Variants in LYPD6 observed in about 807,000 individuals in gnomAD.
LYPD6 encodes the protein ly6/PLAUR domain-containing protein 6.
Under a neutral mutation model 22.7 loss-of-function variants are expected in LYPD6, and 15 were observed. The observed-to-expected ratio is 0.66, with a 90% CI of 0.44 to 1.02. The LOEUF is 1.02. Ranked by LOEUF, LYPD6 falls within the 50% of genes least tolerant of loss-of-function variation. The pLI is 0.00. For synonymous variants in LYPD6, 72 were observed against 77.5 expected (o/e 0.93, Z 0.37); for missense variants, 189 against 208.4 (o/e 0.91, Z 0.57).
At position 149,466,289 on chromosome 2, in the gene LYPD6, A is replaced by T. The variant is rs531015797; in HGVS notation, c.218-2356A>T. On this transcript the variant is annotated intron_variant, in intron 3 of 4. Transcript: ENST00000334166. ...TTTTCAAAACTTCTTAAACCACAGA[A>T]CCTTTTTCCACATTAACATTTCATA... is the stretch of plus-strand genomic sequence containing the variant. 2.6e-5 allele frequency among the ~76,000 whole-genome samples: 4 copies of T among 152,270 alleles called. No homozygotes were observed. In the East Asian group the frequency reaches 7.7e-4, roughly 29 times the overall value.
intron 1 of LYPD6, among the ~76,000 whole-genome samples, chr2:149,348,112 A>G (rs1263253566): frequency 6.7e-6 from 1 of 150,156 alleles, no homozygotes; most frequent in East Asian, 2.0e-4. Flanking sequence ...AACTGTTCTC[A>G]TGGAACTTGG....
downstream of LYPD6, among the ~76,000 whole-genome samples, chr2:149,477,574 G>T (rs1558822635): frequency 7.8e-6 from 1 of 127,572 alleles, no homozygotes; most frequent in Non-Finnish European, 1.6e-5. Flanking sequence ...AGTGAGCCGA[G>T]ATTGTGCCAC....
At chr2:149,366,642 G>A (rs1263642282) in intron 1 of LYPD6, among the ~76,000 whole-genome samples, 2 of 152,202 alleles carry the variant, frequency 1.3e-5, no homozygotes, top group Non-Finnish European at 2.9e-5. Context: ...TCATTTCTGT[G>A]TGTAGAATTT....
chr2:149,374,337 G>T (rs976716106), intron 1 of LYPD6, among the ~76,000 whole-genome samples: 1 of 152,146 alleles, frequency 6.6e-6, no homozygotes, highest in African/African-American at 2.4e-5. Context: ...GCATCTTATG[G>T]CTTTGTATTT....
At chr2:149,406,717 A>G (rs1287256418) in intron 1 of LYPD6, among the ~76,000 whole-genome samples, 4 of 151,898 alleles carry the variant, frequency 2.6e-5, no homozygotes, top group East Asian at 1.9e-4. Context: ...TAATTGGAGC[A>G]TTTAGTCCAT....
At chr2:149,406,408 T>C (rs1161200766) in intron 1 of LYPD6, among the ~76,000 whole-genome samples, 151 of 151,734 alleles carry the variant, frequency 1.0e-3, no homozygotes, top group Non-Finnish European at 1.9e-3. Context: ...TTTATGAATC[T>C]GGGTGCTCCT....
chr2:149,401,004 G>A (rs1291726195), intron 1 of LYPD6, among the ~76,000 whole-genome samples: 1 of 152,150 alleles, frequency 6.6e-6, no homozygotes, highest in African/African-American at 2.4e-5. Context: ...ATGCCTTTGG[G>A]CTTCTTATCT....
Position 149,404,340 on chromosome 2 carries a change from C to T in LYPD6, c.-71-33298C>T, listed in dbSNP as rs570370630. Among the ~76,000 whole-genome samples the T allele has an allele frequency of 3.9e-4, 60 of 152,260 alleles. 1 individual carries two copies. The highest frequency in any genetic ancestry group is 6.8e-4 in the Non-Finnish European group (46 of 68,016). Reference sequence around the variant, plus strand: ...ACCTTGGGCAGTATGGCCATTTTCACGATATTGATTCTTCCTACCCATGAG... The same window carrying T: ...ACCTTGGGCAGTATGGCCATTTTCATGATATTGATTCTTCCTACCCATGAG... On this transcript the variant is annotated intron_variant, in intron 1 of 4. Coordinates refer to ENST00000334166, the MANE Select transcript of LYPD6 (RefSeq NM_194317.5).
At chr2:149,429,784 A>G (rs1281467590) in intron 1 of LYPD6, among the ~76,000 whole-genome samples, 1 of 152,150 alleles carries the variant, frequency 6.6e-6, no homozygotes, top group African/African-American at 2.4e-5. Flanking sequence ...CTGGGATTGG[A>G]GCCCCTGGGG....
intron 1 of LYPD6, among the ~76,000 whole-genome samples, chr2:149,331,423 G>A (rs1000435014): frequency 6.6e-6 from 1 of 152,138 alleles, no homozygotes; most frequent in Non-Finnish European, 1.5e-5. Flanking sequence ...GGTCTGACTC[G>A]CTCTGACCCC....
chr2:149,336,928 C>CGTGTGTGT (rs1553513649), intron 1 of LYPD6, among the ~76,000 whole-genome samples: 9 of 148,450 alleles, frequency 6.1e-5, no homozygotes, highest in Non-Finnish European at 1.0e-4. Context: ...GTTGAAATAA[C>CGTGTGTGT]GTGTGTGTGT....
chr2:149,356,440 A>G (rs1681450741), intron 1 of LYPD6, among the ~76,000 whole-genome samples: 1 of 152,206 alleles, frequency 6.6e-6, no homozygotes, highest in Admixed American at 6.5e-5. Flanking sequence ...TTCCTTCCCT[A>G]CATGGACACA....
chr2:149,391,495 C>T lies in LYPD6; in HGVS notation c.-71-46143C>T, dbSNP rs956691587. On this transcript the variant is annotated intron_variant, in intron 1 of 4. Coordinates refer to ENST00000334166, the MANE Select transcript of LYPD6 (RefSeq NM_194317.5). Reference sequence around the variant, plus strand: ...CTTTAAACTTATTTTGTTACTGGAGCTGTGTGATCTTTTCTTTGAGGTCAA... The same window carrying T: ...CTTTAAACTTATTTTGTTACTGGAGTTGTGTGATCTTTTCTTTGAGGTCAA... Among the ~76,000 whole-genome samples, 41 of 151,818 alleles carry T rather than the reference C, an allele frequency of 2.7e-4. 1 individual carries two copies. The highest frequency in any genetic ancestry group is 2.7e-3 in the Admixed American group (41 of 15,240).
At chr2:149,391,657 T>C (rs1436705209) in intron 1 of LYPD6, among the ~76,000 whole-genome samples, 1 of 152,164 alleles carries the variant, frequency 6.6e-6, no homozygotes, top group African/African-American at 2.4e-5. Flanking sequence ...TTCACAGTGG[T>C]ACACTTAGGG....
chr2:149,414,441 A>T (rs1682918531), intron 1 of LYPD6, among the ~76,000 whole-genome samples: 1 of 152,182 alleles, frequency 6.6e-6, no homozygotes, highest in African/African-American at 2.4e-5. Context: ...AATTTGCGTT[A>T]TATTTTTGTT....
At chr2:149,418,375 TGTA>T (rs1184111026) in intron 1 of LYPD6, among the ~76,000 whole-genome samples, 1 of 152,132 alleles carries the variant, frequency 6.6e-6, no homozygotes, top group African/African-American at 2.4e-5. Context: ...GACCATATAA[TGTA>T]GTAGCAAGGA....
chr2:149,443,237 T>C (rs1683608577), intron 2 of LYPD6, among the ~76,000 whole-genome samples: 1 of 152,232 alleles, frequency 6.6e-6, no homozygotes, highest in Non-Finnish European at 1.5e-5. Flanking sequence ...CTCAATAAGT[T>C]TGTTCTTGGA....
intron 3 of LYPD6, among the ~76,000 whole-genome samples, chr2:149,452,122 AG>A (rs1479160209): frequency 1.3e-5 from 2 of 152,192 alleles, no homozygotes; most frequent in African/African-American, 4.8e-5. Context: ...AAAGGCATAG[AG>A]ACAAGACTCC....
At chr2:149,340,673 T>A (rs940425318) in intron 1 of LYPD6, among the ~76,000 whole-genome samples, 2 of 152,220 alleles carry the variant, frequency 1.3e-5, no homozygotes, top group Non-Finnish European at 2.9e-5. Flanking sequence ...AAGGCTTTAC[T>A]AAATTCCCAG....
Sources: allele counts gnomAD v4.1 joint callset (sites outside exome capture counted in the v4.1 genomes callset), GRCh38; gene constraint gnomAD v4.1.1; transcripts MANE v1.5; gene names NCBI Gene and HGNC (gene_info 2026-07-23, HGNC 2026-07-21).